CACNA1C: variants seen among roughly 807,000 people sequenced by gnomAD.
The protein encoded by CACNA1C is calcium voltage-gated channel subunit alpha1 C, also known as voltage-dependent L-type calcium channel subunit alpha-1C.
In CACNA1C, 30 loss-of-function variants were observed where a neutral mutation model predicts 229.0. The observed-to-expected ratio is 0.13, with a 90% confidence interval of 0.10 to 0.18. The LOEUF is 0.18. CACNA1C is among the 10% of genes least tolerant of loss of function. The pLI is 1.00. For missense variants in CACNA1C, 1,658 were observed against 2,845.0 expected (o/e 0.58, Z 9.49); for synonymous variants, 1,114 against 1,132.5 (o/e 0.98, Z 0.33).
intron 3 of CACNA1C, among the ~76,000 whole-genome samples, chr12:2,259,451 A>C (rs986522148): frequency 6.6e-6 from 1 of 152,254 alleles, no homozygotes; most frequent in African/African-American, 2.4e-5. Context: ...AAAAGAAAAA[A>C]AGAACAAAAC....
chr12:1,996,253 G>C (rs113948074), intron 1 of CACNA1C, among the ~76,000 whole-genome samples: 4,167 of 152,098 alleles, frequency 0.027, 95 homozygotes, highest in Middle Eastern at 0.054. Flanking sequence ...CTGTTCATAA[G>C]CCTTCAATAA....
chr12:2,194,608 A>C (rs2097348048), intron 3 of CACNA1C, among the ~76,000 whole-genome samples: 1 of 151,806 alleles, frequency 6.6e-6, no homozygotes, highest in Admixed American at 6.6e-5. Context: ...CTGCTCTGTG[A>C]CATTCTTGTT....
rs146251352 is a variant in CACNA1C, at chr12:2,425,496, C to T, written c.478-23480C>T. Reference sequence around the variant, plus strand: ...TTTGGCTATTAGAAAATAAAATTATCGAGATTATAAGAAATAATTGGGACA... The same window carrying T: ...TTTGGCTATTAGAAAATAAAATTATTGAGATTATAAGAAATAATTGGGACA... On this transcript the variant is annotated intron_variant, in intron 3 of 46. Transcript: ENST00000399655. Among the ~76,000 whole-genome samples the T allele has an allele frequency of 2.0e-3, 299 of 152,214 alleles. 6 individuals are homozygous for T. In the East Asian group the frequency reaches 0.056, roughly 28 times the overall value.
intron 4 of CACNA1C, among the ~76,000 whole-genome samples, chr12:2,453,613 A>G (rs368872566): frequency 6.6e-6 from 1 of 151,166 alleles, no homozygotes; most frequent in Non-Finnish European, 1.5e-5. Context: ...CATCACCCGG[A>G]CTCCTGTTCC....
At position 2,574,523 on chromosome 12, in the gene CACNA1C, C is replaced by T. The variant is rs569903244; in HGVS notation, c.1895+6729C>T. 5.3e-4 allele frequency among the ~76,000 whole-genome samples: 81 copies of T among 152,344 alleles called. 1 individual carries two copies. Among genetic ancestry groups the T allele is most frequent in the Middle Eastern group, 6.8e-3 (2 of 294 alleles). ...CTCCTGCTGCTCCTCCCCTGCAGCT[C>T]CCTTCCCAGGCCTTGAAATGGGAGC... is the stretch of plus-strand genomic sequence containing the variant. On this transcript the variant is annotated intron_variant, in intron 13 of 46. Transcript: ENST00000399655.
chr12:1,996,044 T>C (rs2154476234), intron 1 of CACNA1C, among the ~76,000 whole-genome samples: 1 of 152,336 alleles, frequency 6.6e-6, no homozygotes, highest in African/African-American at 2.4e-5. Flanking sequence ...ATGTTCAAAA[T>C]ATTGTCATTT....
intron 5 of CACNA1C, among the ~76,000 whole-genome samples, chr12:2,461,164 C>A (rs2099498667): frequency 1.3e-5 from 2 of 152,228 alleles, no homozygotes; most frequent in Admixed American, 1.3e-4. Flanking sequence ...CACTGCTGCA[C>A]CAAAACATCT....
chr12:2,430,275 C>T (rs1032643621), intron 3 of CACNA1C, among the ~76,000 whole-genome samples: 3 of 152,122 alleles, frequency 2.0e-5, no homozygotes, highest in Admixed American at 6.5e-5. Context: ...CACAAACATT[C>T]GGACCATAAC....
At chr12:2,005,628 G>C (rs1325152507) in intron 1 of CACNA1C, among the ~76,000 whole-genome samples, 1 of 152,002 alleles carries the variant, frequency 6.6e-6, no homozygotes, top group Non-Finnish European at 1.5e-5. Context: ...TTTCTGATGA[G>C]ATCAGTGATG....
intron 7 of CACNA1C, among the ~76,000 whole-genome samples, chr12:2,500,345 C>T (rs2099756601): frequency 6.6e-6 from 1 of 152,184 alleles, no homozygotes; most frequent in South Asian, 2.1e-4. Flanking sequence ...GTGTGTGGCG[C>T]AGAAGAAAGG....
At chr12:2,205,189 G>A (rs2097719028) in intron 3 of CACNA1C, among the ~76,000 whole-genome samples, 2 of 152,166 alleles carry the variant, frequency 1.3e-5, no homozygotes, top group Non-Finnish European at 2.9e-5. Flanking sequence ...GGGCACTTCT[G>A]AAGGGCTGGG....
At chr12:2,199,585 T>C (rs868518131) in intron 3 of CACNA1C, among the ~76,000 whole-genome samples, 1 of 152,228 alleles carries the variant, frequency 6.6e-6, no homozygotes, top group Middle Eastern at 3.4e-3. Flanking sequence ...AGTAGTTAAG[T>C]CTCTGGGGAG....
chr12:2,573,541 C>T (rs746571561), intron 13 of CACNA1C, among the ~76,000 whole-genome samples: 4 of 152,204 alleles, frequency 2.6e-5, no homozygotes, highest in Non-Finnish European at 4.4e-5. Context: ...TAGTATAATG[C>T]TTGGTGTACA....
At chr12:2,327,299 A>G (rs2096354755) in intron 3 of CACNA1C, among the ~76,000 whole-genome samples, 1 of 152,250 alleles carries the variant, frequency 6.6e-6, no homozygotes, top group African/African-American at 2.4e-5. Context: ...TAACTGCTGT[A>G]CGTATACTTC....
At chr12:2,447,164 T>C (rs1169487850) in intron 3 of CACNA1C, among the ~76,000 whole-genome samples, 6 of 152,210 alleles carry the variant, frequency 3.9e-5, no homozygotes, top group Admixed American at 3.3e-4. Context: ...CCCTGTGCTG[T>C]GTTGTCTCAT....
At chr12:2,208,849 T>C (rs1444624132) in intron 3 of CACNA1C, among the ~76,000 whole-genome samples, 1 of 152,150 alleles carries the variant, frequency 6.6e-6, no homozygotes, top group Non-Finnish European at 1.5e-5. Context: ...TGGCGTAACC[T>C]AAGGGTCTAA....
At chr12:2,214,375 A>T (rs1285889101) in intron 3 of CACNA1C, among the ~76,000 whole-genome samples, 1 of 152,198 alleles carries the variant, frequency 6.6e-6, no homozygotes, top group Non-Finnish European at 1.5e-5. Context: ...TCAGAGTGTC[A>T]TTGCAGGACT....
At chr12:2,570,968 T>C (rs962538297) in intron 13 of CACNA1C, among the ~76,000 whole-genome samples, 3 of 152,198 alleles carry the variant, frequency 2.0e-5, no homozygotes, top group Admixed American at 2.0e-4. Context: ...AGTCCTTGGT[T>C]TACAGTGAAA....
intron 34 of CACNA1C, among the ~76,000 whole-genome samples, chr12:2,659,607 T>G (rs959414011): frequency 8.5e-5 from 13 of 152,140 alleles, no homozygotes; most frequent in Admixed American, 7.2e-4. Context: ...AGCCTGAAAT[T>G]TATTTATTTA....
Sources: gnomAD v4.1 joint callset for allele counts (sites outside exome capture counted in the v4.1 genomes callset) on GRCh38, gnomAD v4.1.1 for gene constraint, MANE v1.5 for transcripts, NCBI Gene and HGNC (gene_info 2026-07-23, HGNC 2026-07-21) for gene names.